Variants in SERP2 observed in about 807,000 individuals in gnomAD.
The protein encoded by SERP2 is stress associated endoplasmic reticulum protein family member 2.
Under a neutral mutation model 9.1 loss-of-function variants are expected in SERP2, and 6 were observed. That is an observed-to-expected ratio of 0.66 (90% CI 0.36 to 1.30). SERP2 has a LOEUF of 1.30. Ranked by LOEUF, SERP2 falls within the 50% of genes most tolerant of loss-of-function variation. The probability of loss-of-function intolerance (pLI) is 0.03; values close to 1 mark genes in which losing one functional copy is unlikely to be tolerated. For synonymous variants in SERP2, 37 were observed against 27.3 expected (o/e 1.35, Z -1.10); for missense variants, 58 against 81.9 (o/e 0.71, Z 1.13).
chr13:44,379,580 A>G, intron 1 of SERP2, 61 bp from the exon 2 acceptor site: 1 of 1,290,418 alleles, frequency 7.7e-7, no homozygotes, highest in South Asian at 1.2e-5. Flanking sequence ...GCCTAGTGAT[A>G]CTCAAATAAT....
At chr13:44,391,431 C>G (rs1872759366) in intron 2 of SERP2, among the ~76,000 whole-genome samples, 1 of 152,188 alleles carries the variant, frequency 6.6e-6, no homozygotes, top group South Asian at 2.1e-4. Context: ...TACAGAGGAC[C>G]TACTTTGTGC....
intron 1 of SERP2, among the ~76,000 whole-genome samples, chr13:44,376,709 AG>A (rs1471515990): frequency 4.6e-5 from 7 of 152,014 alleles, no homozygotes; most frequent in African/African-American, 1.7e-4. Context: ...CGGGAGGCAG[AG>A]GTTGCAGTCA....
intron 2 of SERP2, among the ~76,000 whole-genome samples, chr13:44,382,436 C>CAAAAAAAAAAA (rs71202274): frequency 2.2e-5 from 1 of 45,660 alleles, no homozygotes; most frequent in Non-Finnish European, 3.8e-5. Flanking sequence ...GACTCCGTCT[C>CAAAAAAAAAAA]AAAAAAAAAA....
At chr13:44,377,522 A>C (rs1456020561) in intron 1 of SERP2, among the ~76,000 whole-genome samples, 1 of 152,212 alleles carries the variant, frequency 6.6e-6, no homozygotes. Context: ...TATCTTATGC[A>C]ATTATTTAAG....
At chr13:44,384,341 C>G (rs966915074) in intron 2 of SERP2, among the ~76,000 whole-genome samples, 1 of 152,184 alleles carries the variant, frequency 6.6e-6, no homozygotes, top group Non-Finnish European at 1.5e-5. Flanking sequence ...AGTGCCTACC[C>G]TTCTTTTCTC....
At chr13:44,374,250 A>T (rs1871502273) in intron 1 of SERP2, 141 bp downstream of exon 1, 2 of 542,808 alleles carry the variant, frequency 3.7e-6, no homozygotes, top group Admixed American at 4.5e-5. Flanking sequence ...GGTCCTGCAG[A>T]GTGGGGGCTG....
At chr13:44,376,427 G>C (rs1410419602) in intron 1 of SERP2, among the ~76,000 whole-genome samples, 2 of 152,114 alleles carry the variant, frequency 1.3e-5, no homozygotes, top group Non-Finnish European at 2.9e-5. Context: ...TTTATTATTA[G>C]CTAATAGCTT....
rs754054255 is a variant in SERP2, at chr13:44,374,091, G to T, written c.66G>T (p.Gly22=). ...EKHSKNITQR[G]NVAKTLRPQE... is the part of the protein sequence containing the mutation. ...ACAGCAAAAACATCACCCAGAGGGG[G>T]AACGTAGCCAAAACCCTGGTAAGGC... The change falls in exon 1 of 3, where the codon GGG becomes GGT. Residue 22 remains glycine, a synonymous_variant. Transcript: ENST00000379179. 37 of 1,546,470 alleles carry T rather than the reference G, an allele frequency of 2.4e-5. 1 individual carries two copies. Among genetic ancestry groups the T allele is most frequent in the Non-Finnish European group, 8.7e-7 (1 of 1,144,404 alleles).
intron 1 of SERP2, among the ~76,000 whole-genome samples, chr13:44,376,065 C>T (rs1288166263): frequency 6.6e-6 from 1 of 152,166 alleles, no homozygotes; most frequent in East Asian, 1.9e-4. Context: ...GTGCCTTGCA[C>T]CTATAAGAGT....
intron 2 of SERP2, chr13:44,395,728 G>A: frequency 4.4e-6 from 2 of 449,752 alleles, no homozygotes; most frequent in South Asian, 3.2e-5. Context: ...CTACAGATGA[G>A]TCCCTGACAC....
intron 2 of SERP2, among the ~76,000 whole-genome samples, chr13:44,385,056 G>A (rs569184440): frequency 2.0e-5 from 3 of 152,188 alleles, no homozygotes; most frequent in Non-Finnish European, 4.4e-5. Flanking sequence ...AGTTAGGACT[G>A]GTAAGAAGCT....
chr13:44,393,115 A>G (rs1036695050), intron 2 of SERP2, among the ~76,000 whole-genome samples: 1 of 152,182 alleles, frequency 6.6e-6, no homozygotes, highest in Non-Finnish European at 1.5e-5. Context: ...CTGTTACACT[A>G]AGCGACTCAA....
In SERP2 at chr13:44,386,271, G is replaced by C. The variant is rs144500942; in HGVS notation, c.157+6558G>C. 3.3e-4 allele frequency among the ~76,000 whole-genome samples: 51 copies of C among 152,270 alleles called. 1 individual carries two copies. The East Asian group carries it at 9.6e-3, about 29-fold the overall frequency. ...AATCCACCACTCTTTTGCTGTAAAA[G>C]TTATCTTTATGAGATACAAAAGCTT... On this transcript the variant is annotated intron_variant, in intron 2 of 2. Coordinates refer to ENST00000379179, the MANE Select transcript of SERP2 (RefSeq NM_001010897.3).
intron 1 of SERP2, among the ~76,000 whole-genome samples, 168 bp downstream of exon 1, chr13:44,374,277 C>T (rs1465523501): frequency 6.6e-6 from 1 of 152,128 alleles, no homozygotes; most frequent in Non-Finnish European, 1.5e-5. Flanking sequence ...GGGTTCAGGG[C>T]GGCGCGGTCT....
chr13:44,396,729 A>G (rs74950463), intron 2 of SERP2, among the ~76,000 whole-genome samples: 2,496 of 152,302 alleles, frequency 0.016, 47 homozygotes, highest in African/African-American at 0.055. Flanking sequence ...GCCGCTCTCC[A>G]TAAGAGACAG....
chr13:44,376,197 A>G (rs1262605398), intron 1 of SERP2, among the ~76,000 whole-genome samples: 1 of 152,266 alleles, frequency 6.6e-6, no homozygotes, highest in Non-Finnish European at 1.5e-5. Context: ...ACTATCCAAT[A>G]GAAAAATGAA....
intron 2 of SERP2, among the ~76,000 whole-genome samples, chr13:44,383,878 T>C (rs1451150986): frequency 6.6e-6 from 1 of 152,104 alleles, no homozygotes; most frequent in East Asian, 1.9e-4. Flanking sequence ...TGATGCTGAC[T>C]TAAAGCTTTC....
At chr13:44,395,153 T>C (rs1873014322) in intron 2 of SERP2, among the ~76,000 whole-genome samples, 1 of 152,258 alleles carries the variant, frequency 6.6e-6, no homozygotes, top group African/African-American at 2.4e-5. Context: ...TAATGTTGAA[T>C]ATACAGCTGC....
At chr13:44,390,123 T>G (rs1872547209) in intron 2 of SERP2, among the ~76,000 whole-genome samples, 1 of 152,218 alleles carries the variant, frequency 6.6e-6, no homozygotes, top group Non-Finnish European at 1.5e-5. Flanking sequence ...AATTTAGGCC[T>G]TTAGCATATG....
Sources: gnomAD v4.1 joint callset for allele counts (sites outside exome capture counted in the v4.1 genomes callset) on GRCh38, gnomAD v4.1.1 for gene constraint, MANE v1.5 for transcripts, NCBI Gene and HGNC (gene_info 2026-07-23, HGNC 2026-07-21) for gene names.